The following PM20D1 variants were observed in gnomAD, a reference collection of about 807,000 sequenced individuals.
PM20D1 encodes the protein N-fatty-acyl-amino acid synthase/hydrolase PM20D1.
A neutral mutation model predicts 53.8 loss-of-function variants in PM20D1; 53 were observed. That is an observed-to-expected ratio of 0.98 (90% CI 0.79 to 1.24). PM20D1 has a LOEUF of 1.24. Among genes scored for constraint, PM20D1 ranks in the 50% most tolerant of loss-of-function variants. PM20D1 has a pLI of 0.00. For missense variants in PM20D1, 564 were observed against 616.8 expected (o/e 0.91, Z 0.91); for synonymous variants, 239 against 241.3 (o/e 0.99, Z 0.09).
At chr1:205,837,551 G>A (rs1656709367) in intron 10 of PM20D1, among the ~76,000 whole-genome samples, 1 of 152,204 alleles carries the variant, frequency 6.6e-6, no homozygotes, top group Admixed American at 6.5e-5. Flanking sequence ...GATCCAGCCC[G>A]AGGCTCTGTG....
chr1:205,837,761 T>G, intron 10 of PM20D1, among the ~76,000 whole-genome samples: 1 of 149,092 alleles, frequency 6.7e-6, no homozygotes, highest in Non-Finnish European at 1.5e-5. Flanking sequence ...GGCAAGGGAG[T>G]AGAGAGGAGG....
chr1:205,842,678 C>G lies in PM20D1; in HGVS notation c.901G>C (p.Glu301Gln). The G allele has an allele frequency of 1.2e-6, 2 of 1,614,014 alleles. No individual in the cohort carries two copies. Among genetic ancestry groups the G allele is most frequent in the South Asian group, 2.2e-5 (2 of 91,086 alleles). ...VVTVLQQLAN[E>Q]FPFPVNIILS... ...GTATGTGATACTTCTTCCCATACCT[C>G]ATTTGCCAGTTGCTGCAATACAGTC... The change falls in exon 7 of 13, where the codon GAG (glutamate) becomes CAG (glutamine). Residue 301 changes from glutamate to glutamine, a missense_variant and splice_region_variant. Physicochemically the swap from Glu to Gln is conservative, Grantham distance 29. Coordinates refer to ENST00000367136, the MANE Select transcript of PM20D1 (RefSeq NM_152491.5).
At chr1:205,846,476 G>A (rs1456776541) in intron 2 of PM20D1, among the ~76,000 whole-genome samples, 1 of 152,178 alleles carries the variant, frequency 6.6e-6, no homozygotes, top group Non-Finnish European at 1.5e-5. Context: ...CGTGTTAAAG[G>A]GCTATGCAGA....
chr1:205,838,959 C>G (rs2102526805), intron 10 of PM20D1, among the ~76,000 whole-genome samples: 1 of 152,340 alleles, frequency 6.6e-6, no homozygotes, highest in South Asian at 2.1e-4. Context: ...TTCACATGCA[C>G]TACCTAAGAT....
chr1:205,835,832 C>G (rs1354886781), intron 10 of PM20D1, among the ~76,000 whole-genome samples: 1 of 151,982 alleles, frequency 6.6e-6, no homozygotes, highest in Non-Finnish European at 1.5e-5. Context: ...TGAGAGACCT[C>G]AAAGGTGACT....
At chr1:205,831,266 T>A (rs186859633) in intron 11 of PM20D1, among the ~76,000 whole-genome samples, 115 of 152,368 alleles carry the variant, frequency 7.5e-4, no homozygotes, top group Non-Finnish European at 1.4e-3. Flanking sequence ...CTTCCACTCC[T>A]GGTTTCAAAT....
Position 205,841,972 on chromosome 1 carries a change from A to G in PM20D1, c.966-83T>C, listed in dbSNP as rs1162240782. The G allele has an allele frequency of 3.7e-6, 5 of 1,343,626 alleles. No homozygotes were observed. The East Asian group carries it at 1.3e-4, about 34-fold the overall frequency. 83.2% of individuals were successfully genotyped at this position (1,343,626 alleles called of 1,614,324 possible). A position where few individuals can be genotyped will look rare whatever the true frequency, so the allele number is the denominator to read the frequency against. ...GCGGAAACATTACCCACTTTCCTGA[A>G]CCTTGGGGATCTTTAAGACTGAGAG... On this transcript the variant is annotated intron_variant, in intron 8 of 12. Transcript: ENST00000367136.
At chr1:205,844,739 G>T in intron 4 of PM20D1, 72 bp downstream of exon 4, 3 of 1,414,914 alleles carry the variant, frequency 2.1e-6, no homozygotes, top group Non-Finnish European at 3.0e-6. Context: ...GGGCAAACTG[G>T]ACTAGGGTTA....
intron 11 of PM20D1, among the ~76,000 whole-genome samples, chr1:205,831,756 G>C (rs142642130): frequency 7.4e-4 from 113 of 152,018 alleles, no homozygotes; most frequent in African/African-American, 2.3e-3. Flanking sequence ...TAGAGACGAG[G>C]TTTCACCATA....
In PM20D1 at chr1:205,832,780, A is replaced by G. The variant is rs201762643; in HGVS notation, c.1117-14T>C. On this transcript the variant is annotated splice_polypyrimidine_tract_variant and intron_variant, in intron 10 of 12. Coordinates refer to ENST00000367136, the MANE Select transcript of PM20D1 (RefSeq NM_152491.5). ...GAGTTCTAGGACCTCCAGGGTAGAA[A>G]CAAAGGGGGTTCGATTTCTTATTGA... The G allele has an allele frequency of 6.5e-7, 1 of 1,549,468 alleles. No homozygotes were observed. Among genetic ancestry groups the G allele is most frequent in the East Asian group, 2.3e-5 (1 of 43,016 alleles).
At position 205,845,349 on chromosome 1, in the gene PM20D1, T is replaced by A. The variant is rs755432047; in HGVS notation, c.465A>T (p.Thr155=). The A allele has an allele frequency of 1.7e-5, 28 of 1,613,950 alleles. No homozygotes were observed. The East Asian group carries it at 6.0e-4, about 35-fold the overall frequency. The change falls in exon 3 of 13, where the codon ACA becomes ACT. Residue 155 remains threonine, a synonymous_variant. Coordinates refer to ENST00000367136, the MANE Select transcript of PM20D1 (RefSeq NM_152491.5). The stretch of plus-strand genomic sequence containing the variant: ...CCATCACAGAGTTCTTGTCGTCCAG[T>A]GTGCCCCGACCATAGATGATGCCAT... The part of the protein sequence containing the change: ...ERDGIIYGRG[T]LDDKNSVMAL...
At chr1:205,834,356 A>G (rs1381083187) in intron 10 of PM20D1, among the ~76,000 whole-genome samples, 1 of 152,070 alleles carries the variant, frequency 6.6e-6, no homozygotes, top group Non-Finnish European at 1.5e-5. Context: ...GGGTTTTGCC[A>G]TGTTGGCTAG....
intron 1 of PM20D1, 104 bp from the exon 2 acceptor site, chr1:205,848,075 G>A (rs1657039742): frequency 2.9e-6 from 3 of 1,050,860 alleles, no homozygotes; most frequent in South Asian, 1.4e-5. Flanking sequence ...TTATCATATT[G>A]CAGAGGGCAA....
At position 205,844,846 on chromosome 1, in the gene PM20D1, T is replaced by A; in HGVS notation, c.541A>T (p.Arg181Ter). 1 of 1,614,008 alleles carries A rather than the reference T, an allele frequency of 6.2e-7. No individual in the cohort carries two copies. ...LLLIRKYIPR[R>*]SFFISLGHDE... ...TGGCCCAGAGAAATGAAGAAAGATC[T>A]TCGGGGGATGTACTTCCTGATCAGC... The change falls in exon 4 of 13, where the codon AGA becomes TGA. Residue 181 changes from arginine to a stop codon, truncating the protein, a stop_gained. Transcript: ENST00000367136. LOFTEE classifies it high-confidence loss of function.
At position 205,843,787 on chromosome 1, in the gene PM20D1, CT is replaced by C; in HGVS notation, c.708-2del. Reference sequence around the variant, plus strand: ...GGAACCCTTCTCTGAGACTGCAATCCTGTAGAAGAGGATCGGAAACCACTCT... The same window carrying C: ...GGAACCCTTCTCTGAGACTGCAATCCGTAGAAGAGGATCGGAAACCACTCT... On this transcript the variant is annotated splice_acceptor_variant, in intron 5 of 12. Coordinates refer to ENST00000367136, the MANE Select transcript of PM20D1 (RefSeq NM_152491.5). LOFTEE classifies it high-confidence loss of function. 1 of 1,613,394 alleles carries C rather than the reference CT, an allele frequency of 6.2e-7. No individual in the cohort carries two copies. The highest frequency in any genetic ancestry group is 8.5e-7 in the Non-Finnish European group (1 of 1,179,670).
At chr1:205,832,410 T>G (rs1656579287) in intron 11 of PM20D1, among the ~76,000 whole-genome samples, 188 bp downstream of exon 11, 1 of 152,042 alleles carries the variant, frequency 6.6e-6, no homozygotes, top group African/African-American at 2.4e-5. Flanking sequence ...ATTTATTATT[T>G]CTGTTCCTTT....
chr1:205,840,224 G>C (rs1656776209), intron 10 of PM20D1, 28 bp downstream of exon 10: 1 of 1,595,958 alleles, frequency 6.3e-7, no homozygotes, highest in African/African-American at 1.3e-5. Flanking sequence ...TGCTGCATGA[G>C]TTGTTGTCTG....
chr1:205,835,606 C>T (rs560345806), intron 10 of PM20D1, among the ~76,000 whole-genome samples: 25 of 119,976 alleles, frequency 2.1e-4, no homozygotes, highest in South Asian at 3.0e-4. Context: ...GGGCCAAGAT[C>T]GTGCCACTGC....
intron 11 of PM20D1, among the ~76,000 whole-genome samples, chr1:205,832,286 G>T (rs1558090063): frequency 6.6e-6 from 1 of 152,198 alleles, no homozygotes; most frequent in Non-Finnish European, 1.5e-5. Flanking sequence ...ACTCTGGGAA[G>T]ATCTTGGCCC....
Sources: gnomAD v4.1 joint callset for allele counts (sites outside exome capture counted in the v4.1 genomes callset) on GRCh38, gnomAD v4.1.1 for gene constraint, MANE v1.5 for transcripts, NCBI Gene and HGNC (gene_info 2026-07-23, HGNC 2026-07-21) for gene names.